Variants in ATRX observed in about 807,000 individuals in gnomAD.
ATRX encodes the protein ATRX chromatin remodeler, also known as chromatin remodeler ATRX.
A neutral mutation model predicts 172.6 loss-of-function variants in ATRX; 12 were observed. The ratio of observed to expected loss-of-function variants is 0.07; its 90% CI spans 0.04 to 0.11. The LOEUF (loss-of-function observed/expected upper bound fraction) is 0.11. ATRX is among the 10% of genes least tolerant of loss of function. ATRX has a pLI of 1.00. For missense variants in ATRX, 1,368 were observed against 1,767.4 expected (o/e 0.77, Z 4.05); for synonymous variants, 674 against 594.7 (o/e 1.13, Z -1.94).
chrX:77,558,539 G>T, intron 29 of ATRX, 130 bp downstream of exon 29: 1 of 576,194 alleles, frequency 1.7e-6, no homozygotes. Context: ...ACTGACTTCT[G>T]CTGCTTTATG....
chrX:77,782,747 C>G (rs1557206157), intron 1 of ATRX, among the ~76,000 whole-genome samples: 4 of 108,530 alleles, frequency 3.7e-5, no homozygotes, highest in African/African-American at 1.3e-4. Context: ...AGTGAGACTC[C>G]ATCTCAAAAA....
At position 77,671,170 on chromosome X, in the gene ATRX, ATAT is replaced by A. The variant is rs2070579970; in HGVS notation, c.3809+5053_3809+5055del. Among the ~76,000 whole-genome samples the A allele has an allele frequency of 8.7e-4, 44 of 50,485 alleles. 1 individual carries two copies. The highest frequency in any genetic ancestry group is 3.4e-3 in the African/African-American group (36 of 10,605). 43.8% of individuals were successfully genotyped at this position (50,485 alleles called of 115,157 possible). On this transcript the variant is annotated intron_variant, in intron 10 of 34. Transcript: ENST00000373344. ...CTCAAAAAAAAAAAAAAAAAAAAAT[ATAT>A]ATATATATATATATATATATATAAA...
chrX:77,765,701 TA>T (rs1398043702), intron 1 of ATRX, among the ~76,000 whole-genome samples: 4 of 109,788 alleles, frequency 3.6e-5, no homozygotes, highest in Admixed American at 2.0e-4. Context: ...TTTTTATTTT[TA>T]TTTTTTTTAT....
chrX:77,642,275 A>G (rs1185335869), intron 15 of ATRX, among the ~76,000 whole-genome samples: 1 of 111,876 alleles, frequency 8.9e-6, no homozygotes, highest in East Asian at 2.8e-4. Context: ...AGGATAAACA[A>G]AGAAAATAAA....
At chrX:77,723,327 T>C (rs2073871772) in intron 1 of ATRX, among the ~76,000 whole-genome samples, 1 of 111,706 alleles carries the variant, frequency 9.0e-6, no homozygotes, top group African/African-American at 3.3e-5. Context: ...TACTTCTAGA[T>C]ATACACATAA....
At chrX:77,656,153 C>CA (rs1488124109) in intron 13 of ATRX, among the ~76,000 whole-genome samples, 1 of 111,329 alleles carries the variant, frequency 9.0e-6, no homozygotes, top group African/African-American at 3.3e-5. Flanking sequence ...ATTTAATGCC[C>CA]ACAATAGTCA....
intron 15 of ATRX, among the ~76,000 whole-genome samples, chrX:77,636,333 C>T (rs987532108): frequency 5.4e-5 from 6 of 110,922 alleles, no homozygotes; most frequent in African/African-American, 2.0e-4. Context: ...TGACAGTGAG[C>T]GAGTTCTCAC....
At chrX:77,602,102 C>CT (rs1478889357) in intron 22 of ATRX, among the ~76,000 whole-genome samples, 1 of 111,840 alleles carries the variant, frequency 8.9e-6, no homozygotes, top group Non-Finnish European at 1.9e-5. Context: ...CTCCTGCGGG[C>CT]TCAAGCCATC....
intron 1 of ATRX, among the ~76,000 whole-genome samples, chrX:77,773,978 T>C (rs941144269): frequency 6.3e-5 from 7 of 110,923 alleles, no homozygotes; most frequent in Admixed American, 1.9e-4. Flanking sequence ...ATCCCAGCAC[T>C]TTGGGAGTCC....
chrX:77,620,947 T>C (rs2067554882), intron 19 of ATRX, among the ~76,000 whole-genome samples: 2 of 112,272 alleles, frequency 1.8e-5, no homozygotes, highest in African/African-American at 6.5e-5. Context: ...TATATATACA[T>C]GAAAAGACAA....
chrX:77,601,365 A>G (rs2066667237), intron 22 of ATRX, among the ~76,000 whole-genome samples: 1 of 107,994 alleles, frequency 9.3e-6, no homozygotes, highest in Non-Finnish European at 1.9e-5. Flanking sequence ...GATACCCTAG[A>G]TACTTGGGAG....
chrX:77,734,138 C>T (rs1001981236), intron 1 of ATRX, among the ~76,000 whole-genome samples: 3 of 109,465 alleles, frequency 2.7e-5, no homozygotes, highest in Non-Finnish European at 3.8e-5. Context: ...ACCTGGGAGG[C>T]GGAGGTTGCA....
intron 30 of ATRX, among the ~76,000 whole-genome samples, chrX:77,524,376 T>C (rs1253673535): frequency 2.7e-5 from 3 of 112,156 alleles, no homozygotes; most frequent in African/African-American, 9.7e-5. Context: ...AGTGGAGGTA[T>C]ACATACAGCA....
At chrX:77,561,178 G>A (rs1401315472) in intron 28 of ATRX, among the ~76,000 whole-genome samples, 1 of 109,918 alleles carries the variant, frequency 9.1e-6, no homozygotes, top group African/African-American at 3.3e-5. Context: ...CATACTTGAA[G>A]GTATATGGGT....
intron 30 of ATRX, among the ~76,000 whole-genome samples, chrX:77,542,486 C>A (rs942670072): frequency 2.7e-5 from 3 of 111,935 alleles, no homozygotes; most frequent in African/African-American, 9.7e-5. Flanking sequence ...TCAAATGGAA[C>A]CAGAAAAGAG....
chrX:77,683,013 G>C lies in ATRX; in HGVS notation c.2243C>G (p.Ser748Cys). 1 of 1,210,484 alleles carries C rather than the reference G, an allele frequency of 8.3e-7. No individual in the cohort carries two copies. The highest frequency in any genetic ancestry group is 1.1e-6 in the Non-Finnish European group (1 of 894,750). ...TTCATTAATATCAGTATCTGAAGAA[G>C]AACTGTGACTCATCCTGCTCACCTC... Reference protein sequence around the residue: ...LKEVSRMSHSSSSDTDINEIH... With the variant: ...LKEVSRMSHSCSSDTDINEIH... The change falls in exon 9 of 35, where the codon TCT (serine) becomes TGT (cysteine). Residue 748 changes from serine to cysteine, a missense_variant. Around this residue, in one of 17 missense-constraint regions of ATRX, gnomAD observed 843 missense variants for 643.1 expected, o/e 1.31. Coordinates refer to ENST00000373344, the MANE Select transcript of ATRX (RefSeq NM_000489.6).
chrX:77,545,803 T>C (rs782583130), intron 30 of ATRX, among the ~76,000 whole-genome samples: 5 of 111,604 alleles, frequency 4.5e-5, no homozygotes, highest in East Asian at 2.8e-4. Flanking sequence ...AACTGAGGCA[T>C]AGAAGTCAGA....
chrX:77,564,492 C>T (rs2065128705), intron 28 of ATRX, among the ~76,000 whole-genome samples: 1 of 110,575 alleles, frequency 9.0e-6, no homozygotes, highest in African/African-American at 3.3e-5. Context: ...CTCAAGCACT[C>T]CTCCCACCTC....
rs2147653571 is a variant in ATRX, at chrX:77,508,644, T to A, written c.7201-15A>T. The A allele has an allele frequency of 8.3e-7, 1 of 1,209,362 alleles. No homozygotes were observed. Among genetic ancestry groups the A allele is most frequent in the South Asian group, 1.8e-5 (1 of 56,809 alleles). ...CAGCTGATTAACTATAGAGAAAAAA[T>A]GGGAGTCATTACAAGTGCATGACCT... On this transcript the variant is annotated splice_polypyrimidine_tract_variant and intron_variant, in intron 34 of 34. Transcript: ENST00000373344.
Sources: allele counts gnomAD v4.1 joint callset (sites outside exome capture counted in the v4.1 genomes callset), GRCh38; gene constraint gnomAD v4.1.1; regional missense constraint gnomAD v4.1.1; transcripts MANE v1.5; gene names NCBI Gene and HGNC (gene_info 2026-07-23, HGNC 2026-07-21).